CATSPER1: variants seen among roughly 807,000 people sequenced by gnomAD.
CATSPER1 encodes cation channel sperm-associated protein 1.
A neutral mutation model predicts 72.7 loss-of-function variants in CATSPER1; 57 were observed. That is an observed-to-expected ratio of 0.78 (90% CI 0.63 to 0.98). The LOEUF is 0.98. Among genes scored for constraint, CATSPER1 ranks in the 50% least tolerant of loss-of-function variants. CATSPER1 has a pLI of 0.00. For synonymous variants in CATSPER1, 363 were observed against 403.0 expected (o/e 0.90, Z 1.19); for missense variants, 910 against 1,033.9 (o/e 0.88, Z 1.64).
intron 1 of CATSPER1, among the ~76,000 whole-genome samples, chr11:66,024,024 C>CGT (rs1210558487): frequency 6.6e-6 from 1 of 151,648 alleles, no homozygotes; most frequent in Admixed American, 6.6e-5. Flanking sequence ...AGTGCAGTAT[C>CGT]GTGATCTCGG....
chr11:66,026,187 C>G lies in CATSPER1; in HGVS notation c.193G>C (p.Asp65His). The G allele has an allele frequency of 1.2e-6, 2 of 1,607,344 alleles. No homozygotes were observed. Among genetic ancestry groups the G allele is most frequent in the Non-Finnish European group, 1.7e-6 (2 of 1,174,490 alleles). ...GESHHPPEFQ[D>H]FHDQALSSHV... ...GAGGACAAGGCTTGGTCGTGGAAGT[C>G]TTGGAACTCCGGAGGGTGGTGAGAT... The change falls in exon 1 of 12, where the codon GAC becomes CAC. Residue 65 changes from aspartate to histidine, a missense_variant. Transcript: ENST00000312106.
Position 66,020,902 on chromosome 11 carries a change from G to A in CATSPER1, c.1836C>T (p.Arg612=), listed in dbSNP as rs749996714. 6.2e-7 allele frequency: 1 copy of A among 1,614,074 alleles called. No homozygotes were observed. Among genetic ancestry groups the A allele is most frequent in the Non-Finnish European group, 8.5e-7 (1 of 1,180,036 alleles). ...AGATGGTGGTGAAGATGTTCTGGAA[G>A]CGCTTGGGGTCAGATTTGCGGAACA... ...RALFRKSDPK[R]FQNIFTTIFT... The change falls in exon 6 of 12, where the codon CGC becomes CGT. Residue 612 remains arginine, a synonymous_variant. Transcript: ENST00000312106. The surrounding 1 kb of genome is among the most constrained non-coding windows in gnomAD (Gnocchi z 4.5).
rs187934495 is a variant in CATSPER1, at chr11:66,025,915, G to C, written c.465C>G (p.Leu155=). ...AGGAATAGTGGGATAAATTCTCACC[G>C]AGATATTGGGGTCTGCCATGGTGAG... is the stretch of plus-strand genomic sequence containing the variant. ...RGSHHGRPQY[L]GENLSHYSSG... is the part of the protein sequence containing the mutation. The change falls in exon 1 of 12, where the codon CTC becomes CTG. Residue 155 remains leucine (L), a synonymous_variant. Coordinates refer to ENST00000312106, the MANE Select transcript of CATSPER1 (RefSeq NM_053054.4). 1.2e-6 allele frequency: 2 copies of C among 1,613,484 alleles called. No homozygotes were observed. The highest frequency in any genetic ancestry group is 2.2e-5 in the South Asian group (2 of 91,032).
Position 66,025,442 on chromosome 11 carries a change from T to G in CATSPER1, c.938A>C (p.Tyr313Ser), listed in dbSNP as rs1856477556. ...GCTCTGGACGTAGTCGCCATGGAGG[T>G]AACTGGAATGATACGCGCCGTGGTG... ...QDHHGAYHSS[Y>S]LHGDYVQSTS... Residue 313 changes from tyrosine to serine, a missense_variant, in exon 1 of 12, where the codon TAC (tyrosine) becomes TCC (serine). Physicochemically the swap from Tyr to Ser is moderately radical, Grantham distance 144. Coordinates refer to ENST00000312106, the MANE Select transcript of CATSPER1 (RefSeq NM_053054.4). The G allele has an allele frequency of 6.2e-7, 1 of 1,612,050 alleles. No individual in the cohort carries two copies. Among genetic ancestry groups the G allele is most frequent in the African/African-American group, 1.3e-5 (1 of 74,206 alleles).
At chr11:66,019,854 T>G (rs978441781) in intron 9 of CATSPER1, among the ~76,000 whole-genome samples, 1 of 139,462 alleles carries the variant, frequency 7.2e-6, no homozygotes, top group Admixed American at 8.2e-5. Context: ...GAAGCATAGG[T>G]TGCAGTGAGC....
chr11:66,019,786 G>A (rs559261876), intron 9 of CATSPER1, among the ~76,000 whole-genome samples: 23 of 151,920 alleles, frequency 1.5e-4, no homozygotes, highest in Non-Finnish European at 2.8e-4. Context: ...GTGTGCTGGC[G>A]CATGCCTGCA....
Position 66,025,790 on chromosome 11 carries a change from G to A in CATSPER1, c.590C>T (p.Ser197Phe). ...ATCGTGTTGGAGCCCGCTAAGGTGG[G>A]AAGCCTCGCTGTGGTGGAAGGACTC... ...YSESFHHSEA[S>F]HLSGLQHDES... Residue 197 changes from serine (S) to phenylalanine (F), a missense_variant, in exon 1 of 12, where the codon TCC becomes TTC. By Grantham distance (155) the Ser-to-Phe change is radical (BLOSUM62 -2). Transcript: ENST00000312106. 1.2e-6 allele frequency: 2 copies of A among 1,613,628 alleles called. No homozygotes were observed. The highest frequency in any genetic ancestry group is 1.7e-6 in the Non-Finnish European group (2 of 1,179,726).
chr11:66,026,143 G>T lies in CATSPER1; in HGVS notation c.237C>A (p.His79Gln), dbSNP rs1235727199. 35 of 1,606,610 alleles carry T rather than the reference G, an allele frequency of 2.2e-5. No individual in the cohort carries two copies. The highest frequency in any genetic ancestry group is 2.7e-5 in the Non-Finnish European group (32 of 1,173,948). ...CGTGATTCCGTGCCTCGCTGTGGTG[G>T]TGAGATTGGTGGACATGGGAGGACA... ...QALSSHVHQS[H>Q]HHSEARNHGR... Residue 79 changes from histidine to glutamine, a missense_variant, in exon 1 of 12, where the codon CAC becomes CAA. By Grantham distance (24) the His-to-Gln change is conservative (BLOSUM62 0). Transcript: ENST00000312106.
In CATSPER1 at chr11:66,025,707, G is replaced by A. The variant is rs765976986; in HGVS notation, c.673C>T (p.His225Tyr). ...TCATGATGACGGGACCTGCCATGGT[G>A]GTGGACTTGGTGATGGTGGGGCCAG... The part of the protein sequence containing the change: ...RGWPHHHQVH[H>Y]HGRSRHHEAH... Residue 225 changes from histidine to tyrosine, a missense_variant, in exon 1 of 12, where the codon CAC becomes TAC. Physicochemically the swap from His to Tyr is moderately conservative, Grantham distance 83. Transcript: ENST00000312106. 6.2e-7 allele frequency: 1 copy of A among 1,614,068 alleles called. No individual in the cohort carries two copies. The highest frequency in any genetic ancestry group is 8.5e-7 in the Non-Finnish European group (1 of 1,180,002).
At position 66,020,528 on chromosome 11, in the gene CATSPER1, G is replaced by A; in HGVS notation, c.1991+36C>T. ...TCCCAGGGGAGAGGAGGAAGTGTGG[G>A]TGGTGCTGGGCAGCAGAGCAGGGGT... On this transcript the variant is annotated intron_variant, in intron 7 of 11. Transcript: ENST00000312106. This position sits in a 1 kb window ranked among gnomAD's most constrained non-coding sequence, Gnocchi z 4.5. The A allele has an allele frequency of 1.0e-5, 16 of 1,602,074 alleles. No individual in the cohort carries two copies. The highest frequency in any genetic ancestry group is 1.3e-5 in the Non-Finnish European group (15 of 1,170,164).
chr11:66,024,100 A>T (rs1239641018), intron 1 of CATSPER1, among the ~76,000 whole-genome samples: 1 of 151,362 alleles, frequency 6.6e-6, no homozygotes, highest in Admixed American at 6.6e-5. Context: ...TGTAGCCAGG[A>T]TTACAGGCAC....
At position 66,021,585 on chromosome 11, in the gene CATSPER1, G is replaced by A. The variant is rs1315267092; in HGVS notation, c.1602C>T (p.Phe534=). The A allele has an allele frequency of 3.7e-6, 6 of 1,612,412 alleles. No individual in the cohort carries two copies. In the African/African-American group the frequency reaches 4.0e-5, roughly 11 times the overall value. Residue 534 remains phenylalanine, a synonymous_variant, in exon 4 of 12, where the codon TTC becomes TTT. Coordinates refer to ENST00000312106, the MANE Select transcript of CATSPER1 (RefSeq NM_053054.4). ...GGAAGAGGCTTTGGTGGTAGATGGC[G>A]AAGGAGTGGGTCTGCATCAGCAAGA... ...LDFLLMQTHS[F]AIYHQSLFRI...
intron 1 of CATSPER1, among the ~76,000 whole-genome samples, chr11:66,023,898 G>A (rs2134996717): frequency 6.6e-6 from 1 of 151,640 alleles, no homozygotes; most frequent in South Asian, 2.1e-4. Flanking sequence ...TGCCTTTCCT[G>A]TCCCCATTTA....
chr11:66,017,333 G>C (rs1051560626), intron 10 of CATSPER1, among the ~76,000 whole-genome samples, 159 bp from the exon 11 acceptor site: 4 of 152,122 alleles, frequency 2.6e-5, no homozygotes, highest in Non-Finnish European at 5.9e-5. Context: ...TCCTTTTCCA[G>C]ATATGAGAAA....
intron 10 of CATSPER1, among the ~76,000 whole-genome samples, chr11:66,018,218 A>G (rs567604132): frequency 2.6e-5 from 4 of 151,690 alleles, no homozygotes; most frequent in African/African-American, 9.7e-5. Context: ...AAAAAAAAAA[A>G]AAAAAGAAAA....
intron 1 of CATSPER1, among the ~76,000 whole-genome samples, chr11:66,023,366 G>A (rs1471529547): frequency 6.6e-6 from 1 of 151,722 alleles, no homozygotes; most frequent in Non-Finnish European, 1.5e-5. Flanking sequence ...TGGAGTCCAA[G>A]GCCATGAAGT....
chr11:66,021,401 C>A (rs763107436), intron 4 of CATSPER1, 95 bp downstream of exon 4: 423 of 1,496,326 alleles, frequency 2.8e-4, no homozygotes, highest in Non-Finnish European at 3.5e-4. Context: ...CGCCCCCATC[C>A]CTTGAGCAGG....
rs1203475319 is a variant in CATSPER1, at chr11:66,020,640, G to A, written c.1928-13C>T. On this transcript the variant is annotated splice_polypyrimidine_tract_variant and intron_variant, in intron 6 of 11. Coordinates refer to ENST00000312106, the MANE Select transcript of CATSPER1 (RefSeq NM_053054.4). The surrounding 1 kb of genome is among the most constrained non-coding windows in gnomAD (Gnocchi z 4.5). ...ATGTACCAGGCGCCTAGGGGGAGCA[G>A]GCCAGAGGGCACAGTCAGGCTGTGC... 6.2e-7 allele frequency: 1 copy of A among 1,610,736 alleles called. No homozygotes were observed. Among genetic ancestry groups the A allele is most frequent in the Non-Finnish European group, 8.5e-7 (1 of 1,178,108 alleles).
intron 1 of CATSPER1, among the ~76,000 whole-genome samples, chr11:66,024,646 C>T (rs1308651736): frequency 6.6e-6 from 1 of 152,184 alleles, no homozygotes; most frequent in Non-Finnish European, 1.5e-5. Flanking sequence ...GCCATGGTCC[C>T]TCCTTGCCCT....
Sources: gnomAD v4.1 joint callset for allele counts (sites outside exome capture counted in the v4.1 genomes callset) on GRCh38, gnomAD v4.1.1 for gene constraint, Gnocchi (gnomAD v3.1) non-coding constraint, MANE v1.5 for transcripts, NCBI Gene and HGNC (gene_info 2026-07-23, HGNC 2026-07-21) for gene names.